TRIO: variants seen among roughly 807,000 people sequenced by gnomAD.
TRIO encodes trio Rho guanine nucleotide exchange factor.
Under a neutral mutation model 351.9 loss-of-function variants are expected in TRIO, and 58 were observed. That is an observed-to-expected ratio of 0.16 (90% confidence interval 0.13 to 0.21). The LOEUF is 0.21. Among genes scored for constraint, TRIO ranks in the 10% least tolerant of loss-of-function variants. The pLI is 1.00. For missense variants in TRIO, 3,201 were observed against 4,027.8 expected, an observed-to-expected ratio of 0.79 and a Z score of 5.56; for synonymous variants, 1,758 against 1,595.7, an observed-to-expected ratio of 1.10 and a Z score of -2.42.
At chr5:14,185,644 T>C (rs1165632275) in intron 1 of TRIO, among the ~76,000 whole-genome samples, 1 of 151,844 alleles carries the variant, frequency 6.6e-6, no homozygotes, top group African/African-American at 2.4e-5. Flanking sequence ...GAAGGATGAG[T>C]GAAAATGATT....
intron 11 of TRIO, among the ~76,000 whole-genome samples, chr5:14,345,221 G>C (rs541776817): frequency 1.3e-5 from 2 of 152,314 alleles, no homozygotes; most frequent in South Asian, 2.1e-4. Context: ...AGAGAGCTTA[G>C]AAGTTATTGT....
chr5:14,367,046 C>T, intron 16 of TRIO, 67 bp downstream of exon 16: 1 of 1,595,074 alleles, frequency 6.3e-7, no homozygotes, highest in Non-Finnish European at 8.5e-7. Flanking sequence ...CTGAATCCCC[C>T]AACATGGCAC....
intron 44 of TRIO, 52 bp from the exon 45 acceptor site, chr5:14,481,489 G>T: frequency 4.4e-6 from 7 of 1,604,530 alleles, no homozygotes; most frequent in Non-Finnish European, 6.0e-6. Context: ...GAGCACGTCA[G>T]ATTTTCCCTA....
At chr5:14,163,410 C>T (rs571586120) in intron 1 of TRIO, among the ~76,000 whole-genome samples, 88 of 152,210 alleles carry the variant, frequency 5.8e-4, no homozygotes, top group Admixed American at 2.9e-3. Context: ...TTAGTAGAGA[C>T]GGGGTTTCAC....
At chr5:14,322,275 T>C (rs748165767) in intron 9 of TRIO, among the ~76,000 whole-genome samples, 4 of 152,162 alleles carry the variant, frequency 2.6e-5, no homozygotes, top group Non-Finnish European at 5.9e-5. Flanking sequence ...TCTTTTAAAA[T>C]GGGGGAGGGT....
chr5:14,489,355 C>G (rs533882478), intron 48 of TRIO, among the ~76,000 whole-genome samples: 1 of 152,300 alleles, frequency 6.6e-6, no homozygotes, highest in East Asian at 1.9e-4. Flanking sequence ...GGTAGGCATC[C>G]GCTGTCATGG....
At chr5:14,406,951 G>GGT (rs1329351803) in intron 33 of TRIO, among the ~76,000 whole-genome samples, 13 of 152,172 alleles carry the variant, frequency 8.5e-5, no homozygotes, top group Non-Finnish European at 1.6e-4. Context: ...AGCATACTTA[G>GGT]ACTTTTTAAT....
intron 1 of TRIO, among the ~76,000 whole-genome samples, chr5:14,179,149 A>G (rs994819874): frequency 3.9e-5 from 6 of 152,160 alleles, no homozygotes; most frequent in African/African-American, 1.2e-4. Context: ...CCCGGCCAGC[A>G]CGTCGGTGTC....
intron 29 of TRIO, among the ~76,000 whole-genome samples, chr5:14,398,546 G>A (rs970905479): frequency 6.6e-6 from 1 of 152,182 alleles, no homozygotes; most frequent in Non-Finnish European, 1.5e-5. Flanking sequence ...TCGGTGGTGG[G>A]ATGCTGCAGG....
chr5:14,428,447 A>T (rs1195267230), intron 34 of TRIO, among the ~76,000 whole-genome samples: 1 of 152,204 alleles, frequency 6.6e-6, no homozygotes, highest in Non-Finnish European at 1.5e-5. Flanking sequence ...GCTAATGTCA[A>T]TTCCTGTGGG....
At chr5:14,451,085 A>T (rs1020393310) in intron 34 of TRIO, among the ~76,000 whole-genome samples, 8 of 152,224 alleles carry the variant, frequency 5.3e-5, no homozygotes, top group Admixed American at 1.3e-4. Flanking sequence ...CCGAACCACC[A>T]AAAGGGTAAC....
Position 14,287,068 on chromosome 5 carries a change from C to G in TRIO, c.540+5C>G. The stretch of plus-strand genomic sequence containing the variant: ...AGTTCTAAATTTGAATTTGAGGTAA[C>G]TTCCCCCGTGTGGCTAGACCCACTA... On this transcript the variant is annotated splice_donor_5th_base_variant and intron_variant, in intron 4 of 56. Transcript: ENST00000344204. The G allele has an allele frequency of 6.2e-7, 1 of 1,613,670 alleles. No homozygotes were observed. Among genetic ancestry groups the G allele is most frequent in the Middle Eastern group, 1.7e-4 (1 of 6,060 alleles).
intron 13 of TRIO, among the ~76,000 whole-genome samples, chr5:14,362,585 A>AT (rs1298278393): frequency 6.6e-6 from 1 of 152,150 alleles, no homozygotes; most frequent in Non-Finnish European, 1.5e-5. Flanking sequence ...CACTTGTATT[A>AT]TTTTAGATTG....
intron 1 of TRIO, among the ~76,000 whole-genome samples, chr5:14,212,660 T>C (rs1369112422): frequency 1.3e-5 from 2 of 152,152 alleles, no homozygotes; most frequent in East Asian, 1.9e-4. Context: ...GAAAGAGCTA[T>C]GTCCCCCCAA....
At chr5:14,264,088 C>T (rs76060664) in intron 1 of TRIO, among the ~76,000 whole-genome samples, 5,816 of 152,196 alleles carry the variant, frequency 0.038, 375 homozygotes, top group African/African-American at 0.13. Context: ...AAATTAACTT[C>T]CATTGCACAA....
intron 1 of TRIO, among the ~76,000 whole-genome samples, chr5:14,196,225 C>T (rs754603024): frequency 1.7e-4 from 26 of 151,916 alleles, no homozygotes; most frequent in Admixed American, 5.9e-4. Context: ...AGTGTGAGAC[C>T]GGCCTGGCCA....
intron 1 of TRIO, among the ~76,000 whole-genome samples, chr5:14,181,368 C>T (rs764612868): frequency 9.9e-5 from 15 of 152,178 alleles, no homozygotes; most frequent in East Asian, 7.7e-4. Flanking sequence ...CTGCTTCACC[C>T]GAGCCCAGAC....
intron 20 of TRIO, among the ~76,000 whole-genome samples, chr5:14,380,920 G>T (rs1245978218): frequency 1.3e-5 from 2 of 152,196 alleles, no homozygotes; most frequent in Non-Finnish European, 2.9e-5. Flanking sequence ...AAGTGATACT[G>T]TTATAACCAT....
intron 34 of TRIO, among the ~76,000 whole-genome samples, chr5:14,459,003 C>T (rs1480498140): frequency 6.6e-6 from 1 of 152,148 alleles, no homozygotes; most frequent in Non-Finnish European, 1.5e-5. Context: ...AATATAGACA[C>T]ACATACAGAG....
Sources: allele counts gnomAD v4.1 joint callset (sites outside exome capture counted in the v4.1 genomes callset), GRCh38; gene constraint gnomAD v4.1.1; transcripts MANE v1.5; gene names NCBI Gene and HGNC (gene_info 2026-07-23, HGNC 2026-07-21).